PRKAR2B: variants seen among roughly 807,000 people sequenced by gnomAD.
PRKAR2B encodes protein kinase cAMP-dependent type II regulatory subunit beta.
Under a neutral mutation model 49.9 loss-of-function variants are expected in PRKAR2B, and 14 were observed. The ratio of observed to expected loss-of-function variants is 0.28; its 90% confidence interval spans 0.19 to 0.44. PRKAR2B has a LOEUF of 0.44. Among genes scored for constraint, PRKAR2B ranks in the 20% least tolerant of loss-of-function variants. The pLI is 1.00. For synonymous variants in PRKAR2B, 196 were observed against 197.7 expected, an observed-to-expected ratio of 0.99 and a Z score of 0.07; for missense variants, 393 against 537.9, an observed-to-expected ratio of 0.73 and a Z score of 2.67.
chr7:107,110,979 A>G lies in PRKAR2B; in HGVS notation c.344-10973A>G, dbSNP rs960283811. ...ACTAAGTGGGCTTTTGGGGTCCCCA[A>G]TTCTAGGACTTGACTCATTGATGAC... On this transcript the variant is annotated intron_variant, in intron 2 of 10. Transcript: ENST00000265717. Among the ~76,000 whole-genome samples the G allele has an allele frequency of 2.5e-4, 38 of 152,088 alleles. 1 individual carries two copies. The highest frequency in any genetic ancestry group is 1.2e-4 in the Non-Finnish European group (8 of 68,006).
At chr7:107,134,604 C>G (rs1189615102) in intron 4 of PRKAR2B, among the ~76,000 whole-genome samples, 2 of 152,122 alleles carry the variant, frequency 1.3e-5, no homozygotes, top group African/African-American at 4.8e-5. Flanking sequence ...TACTGAAAAG[C>G]TATGGTAATC....
At chr7:107,048,996 C>T (rs77560663) in intron 1 of PRKAR2B, among the ~76,000 whole-genome samples, 95 of 152,260 alleles carry the variant, frequency 6.2e-4, no homozygotes, top group Middle Eastern at 3.4e-3. Context: ...AAAGCAAATA[C>T]AGTTTGACAT....
At chr7:107,112,003 C>CAAAAAA (rs71134251) in intron 2 of PRKAR2B, among the ~76,000 whole-genome samples, 5 of 46,176 alleles carry the variant, frequency 1.1e-4, no homozygotes, top group Non-Finnish European at 1.5e-4. Flanking sequence ...CCTCCTCTAC[C>CAAAAAA]AAAAAAAAAA....
At chr7:107,107,294 G>A (rs1485774776) in intron 2 of PRKAR2B, among the ~76,000 whole-genome samples, 2 of 151,882 alleles carry the variant, frequency 1.3e-5, no homozygotes, top group Non-Finnish European at 1.5e-5. Flanking sequence ...CCGACATGGC[G>A]CCATTGCGCT....
intron 2 of PRKAR2B, among the ~76,000 whole-genome samples, chr7:107,109,493 A>G (rs1163078669): frequency 4.0e-5 from 6 of 150,448 alleles, no homozygotes; most frequent in African/African-American, 1.5e-4. Context: ...AAACACCTGG[A>G]CTCAAGCAGT....
At chr7:107,049,970 G>A (rs1383506104) in intron 1 of PRKAR2B, among the ~76,000 whole-genome samples, 1 of 152,140 alleles carries the variant, frequency 6.6e-6, no homozygotes, top group African/African-American at 2.4e-5. Context: ...ATTATTTTGA[G>A]TTAGAGATAG....
At position 107,121,463 on chromosome 7, in the gene PRKAR2B, A is replaced by G. The variant is rs114972557; in HGVS notation, c.344-489A>G. 4.2e-3 allele frequency among the ~76,000 whole-genome samples: 643 copies of G among 152,300 alleles called. 5 individuals carry two copies. Among genetic ancestry groups the G allele is most frequent in the African/African-American group, 0.014 (570 of 41,574 alleles). ...GGTTTTTAAGTTGCATATGCAATGT[A>G]AACTCAACCCAGAAAAAAGACTGGA... On this transcript the variant is annotated intron_variant, in intron 2 of 10. Transcript: ENST00000265717.
Position 107,080,350 on chromosome 7 carries a change from A to G in PRKAR2B, c.343+10034A>G, listed in dbSNP as rs549497810. ...CAGAGAAAAGTCAGTAATGTTTTATAAAAGAATGTGAGGGTGTGGGGAATG... is the reference window on the plus strand; with the variant it reads ...CAGAGAAAAGTCAGTAATGTTTTATGAAAGAATGTGAGGGTGTGGGGAATG... On this transcript the variant is annotated intron_variant, in intron 2 of 10. Transcript: ENST00000265717. Among the ~76,000 whole-genome samples, 2 of 152,334 alleles carry G rather than the reference A, an allele frequency of 1.3e-5. 1 individual carries two copies. The highest frequency in any genetic ancestry group is 4.8e-5 in the African/African-American group (2 of 41,582).
intron 2 of PRKAR2B, among the ~76,000 whole-genome samples, chr7:107,090,455 G>A (rs1019385519): frequency 6.6e-6 from 1 of 152,160 alleles, no homozygotes; most frequent in Non-Finnish European, 1.5e-5. Flanking sequence ...CCCCTATGGG[G>A]TCTGCTATGG....
chr7:107,120,770 T>C (rs1795372562), intron 2 of PRKAR2B, among the ~76,000 whole-genome samples: 1 of 152,012 alleles, frequency 6.6e-6, no homozygotes, highest in South Asian at 2.1e-4. Context: ...TAAAAATAAA[T>C]ATGCATAATC....
chr7:107,153,360 G>T, intron 8 of PRKAR2B, 109 bp downstream of exon 8: 4 of 647,108 alleles, frequency 6.2e-6, no homozygotes, highest in Non-Finnish European at 7.4e-6. Context: ...TGCAGTGATG[G>T]GTTAAATAAA....
Position 107,151,030 on chromosome 7 carries a change from A to G in PRKAR2B, c.843+7A>G, listed in dbSNP as rs760114266. 4 of 1,471,588 alleles carry G rather than the reference A, an allele frequency of 2.7e-6. No individual in the cohort carries two copies. In the Admixed American group the frequency reaches 6.3e-5, roughly 23 times the overall value. The allele number at this position is 1,471,588 out of a possible 1,614,324, so 91.2% of individuals were successfully genotyped here. A position where few individuals can be genotyped will look rare whatever the true frequency, so the allele number is the denominator to read the frequency against. On this transcript the variant is annotated splice_region_variant and intron_variant, in intron 7 of 10. Coordinates refer to ENST00000265717, the MANE Select transcript of PRKAR2B (RefSeq NM_002736.3). ...ATTCCTTAAATCTTTGGAGGTAAGT[A>G]TATGTTTATGCTTTTATTTTATTTT...
intron 2 of PRKAR2B, among the ~76,000 whole-genome samples, chr7:107,081,161 G>A (rs2116788677): frequency 6.6e-6 from 1 of 152,194 alleles, no homozygotes; most frequent in Non-Finnish European, 1.5e-5. Flanking sequence ...TTTTGTGTAT[G>A]TATTACAACT....
Position 107,055,912 on chromosome 7 carries a change from T to A in PRKAR2B, c.307+10698T>A, listed in dbSNP as rs1369417534. Among the ~76,000 whole-genome samples, 4 of 152,206 alleles carry A rather than the reference T, an allele frequency of 2.6e-5. No individual in the cohort carries two copies. In the East Asian group the frequency reaches 5.8e-4, roughly 22 times the overall value. ...GCCCATGCCTATGTCCTGAATGGTA[T>A]TGCCTAGGTTTTCTTCTAGGGTTTT... On this transcript the variant is annotated intron_variant, in intron 1 of 10. Coordinates refer to ENST00000265717, the MANE Select transcript of PRKAR2B (RefSeq NM_002736.3).
At chr7:107,139,598 T>C (rs1388810686) in intron 4 of PRKAR2B, among the ~76,000 whole-genome samples, 1 of 152,200 alleles carries the variant, frequency 6.6e-6, no homozygotes, top group East Asian at 1.9e-4. Flanking sequence ...CTGCAAGGCA[T>C]GTTGGCCCCT....
intron 4 of PRKAR2B, among the ~76,000 whole-genome samples, chr7:107,131,661 C>A (rs1359621258): frequency 6.6e-6 from 1 of 151,964 alleles, no homozygotes; most frequent in African/African-American, 2.4e-5. Context: ...TGAATGACTC[C>A]CTTACTATTT....
intron 2 of PRKAR2B, among the ~76,000 whole-genome samples, chr7:107,082,654 G>A (rs1383605776): frequency 2.0e-5 from 3 of 151,938 alleles, no homozygotes; most frequent in East Asian, 1.9e-4. Flanking sequence ...GGAGTGCAGC[G>A]GTGCAGTTGG....
intron 10 of PRKAR2B, among the ~76,000 whole-genome samples, chr7:107,158,266 G>C (rs535154494): frequency 6.0e-5 from 9 of 150,624 alleles, no homozygotes; most frequent in Non-Finnish European, 1.3e-4. Context: ...ATTAGAAAGA[G>C]TAAAGGTGAG....
chr7:107,058,262 T>G (rs1260642877), intron 1 of PRKAR2B, among the ~76,000 whole-genome samples: 2 of 152,152 alleles, frequency 1.3e-5, no homozygotes, highest in African/African-American at 2.4e-5. Context: ...AATTGTTACT[T>G]TATTTAAATG....
Sources: allele counts gnomAD v4.1 joint callset (sites outside exome capture counted in the v4.1 genomes callset), GRCh38; gene constraint gnomAD v4.1.1; transcripts MANE v1.5; gene names NCBI Gene and HGNC (gene_info 2026-07-23, HGNC 2026-07-21).